RASSF4: variants seen among roughly 807,000 people sequenced by gnomAD.
RASSF4 encodes ras association domain-containing protein 4.
In RASSF4, 38 loss-of-function variants were observed where a neutral mutation model predicts 41.1. The ratio of observed to expected loss-of-function variants is 0.92; its 90% CI spans 0.71 to 1.21. The LOEUF (loss-of-function observed/expected upper bound fraction) is 1.21, where lower values mean the gene tolerates loss of function less well. Ranked by LOEUF, RASSF4 falls within the 50% of genes most tolerant of loss-of-function variation. The pLI is 0.00. For missense variants in RASSF4, 414 were observed against 419.4 expected, an observed-to-expected ratio of 0.99 and a Z score of 0.11; for synonymous variants, 179 against 163.4, an observed-to-expected ratio of 1.10 and a Z score of -0.73.
Position 44,982,526 on chromosome 10 carries a change from A to G in RASSF4, c.144A>G (p.Glu48=), listed in dbSNP as rs755257880. The G allele has an allele frequency of 1.2e-6, 2 of 1,611,236 alleles. No individual in the cohort carries two copies. The highest frequency in any genetic ancestry group is 1.7e-6 in the Non-Finnish European group (2 of 1,178,758). The change falls in exon 4 of 11, where the codon GAA becomes GAG. Residue 48 remains glutamate, a synonymous_variant. Transcript: ENST00000340258. ...TGATGTGTGGACCCCCACAGGAAGA[A>G]GGGACTCTGATCATCGAGGGGCTCC... The part of the protein sequence containing the change: ...KSFQLRHREE[E]GTLIIEGLLN...
rs6593453 is a variant in RASSF4, at chr10:44,995,810, A to C, written c.*2481A>C. The C allele has an allele frequency of 0.99, 150,199 of 152,306 alleles. 74,079 individuals carry two copies. The highest frequency in any genetic ancestry group is 1 in the East Asian group (5,177 of 5,178). The allele number at this position is 152,306 out of a possible 1,614,324, so 9.4% of individuals were successfully genotyped here. On this transcript the variant is annotated 3_prime_UTR_variant, in exon 11 of 11. Coordinates refer to ENST00000340258, the MANE Select transcript of RASSF4 (RefSeq NM_032023.4). ...TGTGGGGAGCTCCCGCTTTCTTTCT[A>C]CATAGAGCTTAGGGTATTTCTCATA...
intron 1 of RASSF4, among the ~76,000 whole-genome samples, chr10:44,966,394 C>T (rs2078291408): frequency 6.6e-6 from 1 of 152,184 alleles, no homozygotes; most frequent in African/African-American, 2.4e-5. Context: ...CCTCACTGTC[C>T]AGTGGACTAG....
At chr10:44,989,494 G>A in intron 7 of RASSF4, 119 bp downstream of exon 7, 1 of 933,194 alleles carries the variant, frequency 1.1e-6, no homozygotes. Context: ...GGTCTAGCAA[G>A]GGTCCCTCTG....
At chr10:44,972,132 C>G (rs567484652) in intron 3 of RASSF4, among the ~76,000 whole-genome samples, 1 of 152,142 alleles carries the variant, frequency 6.6e-6, no homozygotes, top group African/African-American at 2.4e-5. Flanking sequence ...CCCCTTCCCC[C>G]GAGACCTTTG....
At chr10:44,978,222 G>T (rs1841538797) in intron 3 of RASSF4, 1 of 599,112 alleles carries the variant, frequency 1.7e-6, no homozygotes, top group East Asian at 3.1e-5. Flanking sequence ...TTTTCTTCCT[G>T]TTCAGGTTAA....
rs755113251 is a variant in RASSF4 at position 44,984,977 on chromosome 10, C to G, written c.531+7C>G. Reference sequence around the variant, plus strand: ...CCACTTCTACAATCATAAGGTGATGCCCCAGCCTGGCCTCTCCCCTGGGCG... The same window carrying G: ...CCACTTCTACAATCATAAGGTGATGGCCCAGCCTGGCCTCTCCCCTGGGCG... On this transcript the variant is annotated splice_region_variant and intron_variant, in intron 6 of 10. Coordinates refer to ENST00000340258, the MANE Select transcript of RASSF4 (RefSeq NM_032023.4). The G allele has an allele frequency of 5.6e-6, 9 of 1,607,464 alleles. No individual in the cohort carries two copies. In the Admixed American group the frequency reaches 1.5e-4, roughly 27 times the overall value.
Position 44,993,326 on chromosome 10 carries a change from G to GTAAC in RASSF4, c.965_*2dup. On this transcript the variant is annotated frameshift_variant and stop_retained_variant, in exon 11 of 11. Transcript: ENST00000340258. LOFTEE classifies it high-confidence loss of function. Reference sequence around the variant, plus strand: ...GCCTGGAGCAGCTGGTGGAGGCCAAGTAACTGGCCAACACCTGCCTCTTCC... The same window carrying GTAAC: ...GCCTGGAGCAGCTGGTGGAGGCCAAGTAACTAACTGGCCAACACCTGCCTCTTCC... 1.2e-6 allele frequency: 2 copies of GTAAC among 1,603,048 alleles called. No individual in the cohort carries two copies. The highest frequency in any genetic ancestry group is 1.7e-6 in the Non-Finnish European group (2 of 1,178,632).
At chr10:44,987,529 C>T (rs1841962998) in intron 6 of RASSF4, among the ~76,000 whole-genome samples, 1 of 151,262 alleles carries the variant, frequency 6.6e-6, no homozygotes, top group Non-Finnish European at 1.5e-5. Flanking sequence ...TCTGGCACAG[C>T]GTGCTTCATT....
chr10:44,961,898 G>T (rs1421903624), intron 1 of RASSF4, among the ~76,000 whole-genome samples: 1 of 152,196 alleles, frequency 6.6e-6, no homozygotes, highest in East Asian at 1.9e-4. Context: ...ATAAGAAGTG[G>T]CTGCACTTCC....
intron 3 of RASSF4, 48 bp from the exon 4 acceptor site, chr10:44,982,473 A>G (rs1228117270): frequency 6.3e-7 from 1 of 1,596,150 alleles, no homozygotes; most frequent in South Asian, 1.1e-5. Flanking sequence ...GGCACAGGGA[A>G]GGTAGGCAGC....
rs1841754683 is a variant in RASSF4, at chr10:44,982,502, G to T, written c.139-19G>T. The T allele has an allele frequency of 1.9e-6, 3 of 1,609,442 alleles. No individual in the cohort carries two copies. The African/African-American group carries it at 4.0e-5, about 22-fold the overall frequency. ...AGGCAGCTGCTCTGGGGGAAGGGCT[G>T]ATGTGTGGACCCCCACAGGAAGAAG... On this transcript the variant is annotated intron_variant, in intron 3 of 10. Coordinates refer to ENST00000340258, the MANE Select transcript of RASSF4 (RefSeq NM_032023.4).
At position 44,970,232 on chromosome 10, in the gene RASSF4, CG is replaced by C; in HGVS notation, c.31del (p.Val11CysfsTer15). 6.2e-7 allele frequency: 1 copy of C among 1,614,046 alleles called. No individual in the cohort carries two copies. The highest frequency in any genetic ancestry group is 8.5e-7 in the Non-Finnish European group (1 of 1,179,874). ...AGGAAGACTGTCTGCCGAGTTCTCA[CG>C]TGCCCATCAGTGACAGCAAGTCCAT... MKEDCLPSSH[V>X]PISDSKSIQK... On this transcript the variant is annotated frameshift_variant, in exon 2 of 11. Transcript: ENST00000340258. LOFTEE classifies it high-confidence loss of function.
rs200922090 is a variant in RASSF4 at position 44,977,974 on chromosome 10, C to T, written c.139-4547C>T. Reference sequence around the variant, plus strand: ...CAGGACCCCCAAGCAGCATCTCCTCCGTGGTCTCCCGAATTGTGGGCAGAT... The same window carrying T: ...CAGGACCCCCAAGCAGCATCTCCTCTGTGGTCTCCCGAATTGTGGGCAGAT... On this transcript the variant is annotated intron_variant, in intron 3 of 10. Coordinates refer to ENST00000340258, the MANE Select transcript of RASSF4 (RefSeq NM_032023.4). 7 of 1,612,194 alleles carry T rather than the reference C, an allele frequency of 4.3e-6. No homozygotes were observed. In the East Asian group the frequency reaches 6.7e-5, roughly 15 times the overall value.
chr10:44,963,836 A>G (rs1840800977), intron 1 of RASSF4, among the ~76,000 whole-genome samples: 1 of 152,260 alleles, frequency 6.6e-6, no homozygotes, highest in Non-Finnish European at 1.5e-5. Flanking sequence ...CCCTTTTGCC[A>G]AGTGAGGACA....
chr10:44,975,232 G>C (rs544129714), intron 3 of RASSF4, among the ~76,000 whole-genome samples: 49 of 152,254 alleles, frequency 3.2e-4, no homozygotes, highest in African/African-American at 1.0e-3. Flanking sequence ...GTCTCTCCCA[G>C]GGGTGCGGAA....
At chr10:44,992,031 G>A in intron 10 of RASSF4, 29 bp downstream of exon 10, 1 of 1,443,670 alleles carries the variant, frequency 6.9e-7, no homozygotes, top group Non-Finnish European at 9.7e-7. Context: ...GACAGTCATG[G>A]GTCCTGAACA....
At chr10:44,962,967 G>A (rs1219867067) in intron 1 of RASSF4, among the ~76,000 whole-genome samples, 1 of 152,208 alleles carries the variant, frequency 6.6e-6, no homozygotes, top group African/African-American at 2.4e-5. Flanking sequence ...AGGAAGGGGA[G>A]CTGTATCAGG....
chr10:44,984,190 A>C, intron 5 of RASSF4, 77 bp downstream of exon 5: 8 of 1,358,384 alleles, frequency 5.9e-6, no homozygotes, highest in Non-Finnish European at 6.9e-6. Flanking sequence ...CACAACCACA[A>C]TCTCCGAAGG....
At chr10:44,977,589 G>A (rs775457258) in intron 3 of RASSF4, 2 of 1,613,350 alleles carry the variant, frequency 1.2e-6, no homozygotes. Context: ...CTCCCTCTGG[G>A]GGCCCCCATG....
Sources: allele counts gnomAD v4.1 joint callset (sites outside exome capture counted in the v4.1 genomes callset), GRCh38; gene constraint gnomAD v4.1.1; transcripts MANE v1.5; gene names NCBI Gene and HGNC (gene_info 2026-07-23, HGNC 2026-07-21).